PTH2R: variants seen among roughly 807,000 people sequenced by gnomAD.
PTH2R encodes PTH2 receptor.
Under a neutral mutation model 60.3 loss-of-function variants are expected in PTH2R, and 59 were observed. The observed-to-expected ratio is 0.98, with a 90% CI of 0.79 to 1.22. PTH2R has a LOEUF of 1.22. Among genes scored for constraint, PTH2R ranks in the 50% most tolerant of loss-of-function variants. The probability of loss-of-function intolerance (pLI) is 0.00; values close to 1 mark genes in which losing one functional copy is unlikely to be tolerated. For synonymous variants in PTH2R, 256 were observed against 243.8 expected (o/e 1.05, Z -0.47); for missense variants, 749 against 682.6 (o/e 1.10, Z -1.08).
At chr2:208,443,678 TG>T (rs1441938417) in intron 6 of PTH2R, 141 bp downstream of exon 6, 15 of 637,456 alleles carry the variant, frequency 2.4e-5, no homozygotes, top group African/African-American at 2.1e-4. Flanking sequence ...TGTATAGTGA[TG>T]TTTTCTCCCT....
At chr2:208,467,834 T>C (rs1278706361) in intron 9 of PTH2R, among the ~76,000 whole-genome samples, 1 of 152,162 alleles carries the variant, frequency 6.6e-6, no homozygotes, top group East Asian at 1.9e-4. Context: ...CAAAGGCCTA[T>C]CTAATCTTCA....
chr2:208,367,652 G>C (rs1478137375), intron 1 of PTH2R, among the ~76,000 whole-genome samples: 4 of 152,140 alleles, frequency 2.6e-5, no homozygotes, highest in Admixed American at 2.6e-4. Flanking sequence ...TTACAGGCAT[G>C]AGCCACTGTG....
At chr2:208,471,450 G>A (rs1248345451) in intron 9 of PTH2R, among the ~76,000 whole-genome samples, 1 of 152,250 alleles carries the variant, frequency 6.6e-6, no homozygotes, top group East Asian at 1.9e-4. Flanking sequence ...ATGGCTGAAA[G>A]GGGCCAATGT....
intron 1 of PTH2R, among the ~76,000 whole-genome samples, chr2:208,420,182 G>C (rs1701725782): frequency 1.3e-5 from 2 of 151,884 alleles, no homozygotes; most frequent in South Asian, 4.1e-4. Context: ...TATACTTAAT[G>C]CTAAATGACG....
At chr2:208,435,754 T>G (rs984403732) in intron 2 of PTH2R, among the ~76,000 whole-genome samples, 1 of 152,184 alleles carries the variant, frequency 6.6e-6, no homozygotes, top group Non-Finnish European at 1.5e-5. Flanking sequence ...GCCCAGCCCT[T>G]GATTTTGGCC....
At chr2:208,474,293 A>T (rs779293827) in intron 9 of PTH2R, among the ~76,000 whole-genome samples, 2 of 152,152 alleles carry the variant, frequency 1.3e-5, no homozygotes, top group Non-Finnish European at 2.9e-5. Flanking sequence ...TACTACTACT[A>T]GTGGTAGCGT....
chr2:208,450,654 C>T, intron 7 of PTH2R, 95 bp from the exon 8 acceptor site: 1 of 1,207,906 alleles, frequency 8.3e-7, no homozygotes, highest in Non-Finnish European at 1.2e-6. Context: ...TATCTCTGAA[C>T]AGCTAATAGT....
At chr2:208,369,627 G>A (rs555564019) in intron 1 of PTH2R, among the ~76,000 whole-genome samples, 1 of 152,038 alleles carries the variant, frequency 6.6e-6, no homozygotes, top group South Asian at 2.1e-4. Flanking sequence ...CAAAGTGCTG[G>A]GATTACAAGC....
At chr2:208,368,388 G>A (rs1700633523) in intron 1 of PTH2R, among the ~76,000 whole-genome samples, 1 of 152,136 alleles carries the variant, frequency 6.6e-6, no homozygotes, top group South Asian at 2.1e-4. Context: ...AGACTTAGCT[G>A]CCATCCTAAT....
intron 8 of PTH2R, among the ~76,000 whole-genome samples, chr2:208,454,466 C>T (rs1702470202): frequency 6.6e-6 from 1 of 152,144 alleles, no homozygotes; most frequent in South Asian, 2.1e-4. Context: ...TCTCTGTGCA[C>T]ACAAAGAAGA....
chr2:208,489,273 G>T, intron 11 of PTH2R, 123 bp downstream of exon 11: 2 of 1,198,800 alleles, frequency 1.7e-6, no homozygotes, highest in Non-Finnish European at 2.3e-6. Context: ...GAGTTGGGGG[G>T]TGCAGAAAGG....
intron 4 of PTH2R, among the ~76,000 whole-genome samples, chr2:208,441,205 C>T (rs191992583): frequency 8.5e-5 from 13 of 152,242 alleles, no homozygotes; most frequent in Admixed American, 4.6e-4. Context: ...GAAACACTTA[C>T]GTTTCCTATA....
intron 8 of PTH2R, among the ~76,000 whole-genome samples, chr2:208,457,793 T>C (rs2105885696): frequency 6.6e-6 from 1 of 152,304 alleles, no homozygotes; most frequent in South Asian, 2.1e-4. Context: ...TGCCTCTATG[T>C]AAAAGTTAAA....
At chr2:208,428,769 T>C (rs1701910016) in intron 2 of PTH2R, among the ~76,000 whole-genome samples, 1 of 152,230 alleles carries the variant, frequency 6.6e-6, no homozygotes, top group African/African-American at 2.4e-5. Flanking sequence ...GAATGTGGTC[T>C]GCATGATACT....
chr2:208,448,188 T>C (rs1702328546), intron 7 of PTH2R, among the ~76,000 whole-genome samples: 1 of 152,204 alleles, frequency 6.6e-6, no homozygotes, highest in African/African-American at 2.4e-5. Flanking sequence ...GATCATCCAC[T>C]TGGCAGTAAG....
intron 1 of PTH2R, among the ~76,000 whole-genome samples, chr2:208,407,433 CT>C (rs1701439875): frequency 6.6e-6 from 1 of 152,178 alleles, no homozygotes; most frequent in Non-Finnish European, 1.5e-5. Context: ...GGTGAAGGAA[CT>C]TTTCTTACTC....
upstream of PTH2R, among the ~76,000 whole-genome samples, chr2:208,405,696 C>A (rs1352104700): frequency 1.3e-5 from 2 of 152,154 alleles, no homozygotes; most frequent in Non-Finnish European, 2.9e-5. Flanking sequence ...CAGCAGTGGG[C>A]TGAATGTTTA....
chr2:208,486,084 C>G (rs987755281), intron 10 of PTH2R, among the ~76,000 whole-genome samples: 1 of 152,086 alleles, frequency 6.6e-6, no homozygotes, highest in African/African-American at 2.4e-5. Flanking sequence ...ACCCTGAGGC[C>G]CAGATAAGAA....
At chr2:208,426,276 TG>T (rs1701856615) in intron 1 of PTH2R, among the ~76,000 whole-genome samples, 1 of 152,206 alleles carries the variant, frequency 6.6e-6, no homozygotes, top group South Asian at 2.1e-4. Context: ...AATGATCACT[TG>T]TCCAGGAAAA....
Sources: allele counts gnomAD v4.1 joint callset (sites outside exome capture counted in the v4.1 genomes callset), GRCh38; gene constraint gnomAD v4.1.1; transcripts MANE v1.5; gene names NCBI Gene and HGNC (gene_info 2026-07-23, HGNC 2026-07-21).